CDYL: variants seen among roughly 807,000 people sequenced by gnomAD.
CDYL encodes chromodomain Y-like protein.
Under a neutral mutation model 47.3 loss-of-function variants are expected in CDYL, and 8 were observed. The observed-to-expected ratio is 0.17, with a 90% CI of 0.10 to 0.31. The LOEUF is 0.31. CDYL is among the 10% of genes least tolerant of loss of function. CDYL has a pLI of 1.00. For missense variants in CDYL, 471 were observed against 701.4 expected, an observed-to-expected ratio of 0.67 and a Z score of 3.71; for synonymous variants, 266 against 265.0, an observed-to-expected ratio of 1.00 and a Z score of -0.04.
At chr6:4,722,730 A>G (rs1447625141) in intron 2 of CDYL, among the ~76,000 whole-genome samples, 1 of 152,186 alleles carries the variant, frequency 6.6e-6, no homozygotes, top group Non-Finnish European at 1.5e-5. Context: ...TACAAAAATT[A>G]GCTGGATGTG....
intron 3 of CDYL, among the ~76,000 whole-genome samples, chr6:4,770,434 A>G (rs920871714): frequency 7.2e-5 from 11 of 152,216 alleles, no homozygotes; most frequent in African/African-American, 2.7e-4. Flanking sequence ...TGTAAATGTT[A>G]GCTATGATTT....
At chr6:4,848,878 G>A (rs77460347) in intron 1 of CDYL, among the ~76,000 whole-genome samples, 2,023 of 152,336 alleles carry the variant, frequency 0.013, 50 homozygotes, top group African/African-American at 0.046. Flanking sequence ...AGAGACAAGG[G>A]CAGAAGGTCA....
chr6:4,788,453 A>G (rs1453187867), intron 1 of CDYL, among the ~76,000 whole-genome samples: 1 of 127,046 alleles, frequency 7.9e-6, no homozygotes, highest in Non-Finnish European at 1.6e-5. Flanking sequence ...ACTGCACTCC[A>G]GCCTGGGTGA....
intron 1 of CDYL, among the ~76,000 whole-genome samples, chr6:4,832,388 G>T (rs1346382670): frequency 2.0e-5 from 3 of 151,154 alleles, no homozygotes; most frequent in Non-Finnish European, 4.4e-5. Flanking sequence ...TTATTGATTT[G>T]CGTATATTGA....
chr6:4,706,613 C>T (rs1470696251), intron 1 of CDYL, among the ~76,000 whole-genome samples: 5 of 151,608 alleles, frequency 3.3e-5, no homozygotes, highest in Admixed American at 1.3e-4. Flanking sequence ...GGTAAAACCC[C>T]GTCTCTACTA....
intron 1 of CDYL, among the ~76,000 whole-genome samples, chr6:4,877,371 T>C (rs1434232479): frequency 6.6e-6 from 1 of 152,230 alleles, no homozygotes; most frequent in Non-Finnish European, 1.5e-5. Flanking sequence ...CTTTCTTTCC[T>C]GGTTATTGCT....
At chr6:4,767,442 G>C (rs999796015) in intron 3 of CDYL, among the ~76,000 whole-genome samples, 9 of 152,046 alleles carry the variant, frequency 5.9e-5, no homozygotes, top group African/African-American at 2.2e-4. Flanking sequence ...GCGTGGTGGC[G>C]TGCGCCTATA....
At chr6:4,722,835 C>T (rs1310968043) in intron 2 of CDYL, among the ~76,000 whole-genome samples, 3 of 152,190 alleles carry the variant, frequency 2.0e-5, no homozygotes, top group Admixed American at 2.0e-4. Context: ...CAAGATCGTG[C>T]CACCGTACTC....
intron 2 of CDYL, among the ~76,000 whole-genome samples, chr6:4,914,972 A>G (rs1472162521): frequency 6.6e-6 from 1 of 152,218 alleles, no homozygotes; most frequent in African/African-American, 2.4e-5. Context: ...TCGGGCACGT[A>G]TCCTTGCCTT....
intron 2 of CDYL, among the ~76,000 whole-genome samples, chr6:4,931,460 G>A (rs568081231): frequency 2.0e-5 from 3 of 152,262 alleles, no homozygotes; most frequent in Admixed American, 1.3e-4. Flanking sequence ...GGTCATAGGC[G>A]TTCTAGGCAG....
intron 1 of CDYL, among the ~76,000 whole-genome samples, chr6:4,793,392 C>T (rs1389241239): frequency 3.3e-5 from 5 of 152,152 alleles, no homozygotes; most frequent in Middle Eastern, 3.4e-3. Context: ...TCAGGGAGAG[C>T]TTCATTGATA....
chr6:4,869,121 A>C (rs1311273672), intron 1 of CDYL, among the ~76,000 whole-genome samples: 1 of 150,542 alleles, frequency 6.6e-6, no homozygotes, highest in Non-Finnish European at 1.5e-5. Context: ...TTCGAGACGG[A>C]GTCCTGCTCT....
chr6:4,730,549 C>G (rs1049457021), intron 2 of CDYL, among the ~76,000 whole-genome samples: 3 of 151,882 alleles, frequency 2.0e-5, no homozygotes, highest in Admixed American at 2.0e-4. Context: ...TGGTGCATGC[C>G]TATAATCCCA....
At chr6:4,846,714 G>A (rs149030227) in intron 1 of CDYL, among the ~76,000 whole-genome samples, 4 of 151,516 alleles carry the variant, frequency 2.6e-5, no homozygotes, top group Admixed American at 2.0e-4. Flanking sequence ...GAAAAAATAG[G>A]TTATTTATTA....
chr6:4,836,660 G>A (rs1284676615), intron 1 of CDYL, among the ~76,000 whole-genome samples: 1 of 152,168 alleles, frequency 6.6e-6, no homozygotes, highest in East Asian at 1.9e-4. Flanking sequence ...CCACCATGCA[G>A]CAAGGAAAAA....
intron 1 of CDYL, among the ~76,000 whole-genome samples, chr6:4,782,580 A>G (rs765458044): frequency 6.6e-6 from 1 of 152,164 alleles, no homozygotes; most frequent in Non-Finnish European, 1.5e-5. Context: ...CACGTTCTCT[A>G]GGAAGTCTGG....
intron 3 of CDYL, among the ~76,000 whole-genome samples, chr6:4,752,493 G>A (rs1012655691): frequency 6.6e-6 from 1 of 152,164 alleles, no homozygotes; most frequent in Non-Finnish European, 1.5e-5. Context: ...TAGGTGCACA[G>A]ATGGGGTCGA....
chr6:4,891,978 A>C lies in CDYL; in HGVS notation c.290A>C (p.Lys97Thr). 3.7e-6 allele frequency: 6 copies of C among 1,614,210 alleles called. No individual in the cohort carries two copies. The highest frequency in any genetic ancestry group is 4.2e-6 in the Non-Finnish European group (5 of 1,180,042). ...AGCAACTTTTCTAAGACCTCTCCTAAGGCACTCGTGATTGGGAAAGACCAC... is the reference window on the plus strand; with the variant it reads ...AGCAACTTTTCTAAGACCTCTCCTACGGCACTCGTGATTGGGAAAGACCAC... ...TNSNFSKTSP[K>T]ALVIGKDHES... Residue 97 changes from lysine (K) to threonine (T), a missense_variant, in exon 2 of 7, where the codon AAG (lysine) becomes ACG (threonine). This residue lies in a region of CDYL where 311 missense variants were observed against 350.0 expected (regional missense o/e 0.89). Coordinates refer to ENST00000397588, the MANE Select transcript of CDYL (RefSeq NM_004824.4).
chr6:4,935,474 G>C (rs879346445), intron 2 of CDYL, 41 bp from the exon 3 acceptor site: 14 of 1,567,602 alleles, frequency 8.9e-6, no homozygotes, highest in African/African-American at 1.4e-5. Flanking sequence ...TGAACTGGTG[G>C]TGGGACATCA....
Sources: gnomAD v4.1 joint callset for allele counts (sites outside exome capture counted in the v4.1 genomes callset) on GRCh38, gnomAD v4.1.1 for gene constraint, gnomAD v4.1.1 regional missense constraint, MANE v1.5 for transcripts, NCBI Gene and HGNC (gene_info 2026-07-23, HGNC 2026-07-21) for gene names.